ARHGAP15: variants seen among roughly 807,000 people sequenced by gnomAD.
The protein encoded by ARHGAP15 is Rho GTPase activating protein 15.
ARHGAP15 carries 51 observed loss-of-function variants against 63.7 expected under a neutral mutation model. The ratio of observed to expected loss-of-function variants is 0.80; its 90% CI spans 0.64 to 1.01. ARHGAP15 has a LOEUF of 1.01. ARHGAP15 is among the 50% of genes least tolerant of loss of function. The pLI, the probability that ARHGAP15 is intolerant of heterozygous loss-of-function variation, is 0.00. For synonymous variants in ARHGAP15, 191 were observed against 193.8 expected, an observed-to-expected ratio of 0.99 and a Z score of 0.12; for missense variants, 560 against 564.6, an observed-to-expected ratio of 0.99 and a Z score of 0.08.
chr2:143,768,282 C>T lies in ARHGAP15; in HGVS notation c.*110C>T. 9.8e-7 allele frequency: 1 copy of T among 1,019,232 alleles called. No homozygotes were observed. Among genetic ancestry groups the T allele is most frequent in the South Asian group, 1.7e-5 (1 of 57,666 alleles). The allele number at this position is 1,019,232 out of a possible 1,614,324, so 63.1% of individuals were successfully genotyped here. ...TTTTTGCCTTTCAAGCGACAGATGC[C>T]TCATTTTGTGAAAACTTAATGATGA... On this transcript the variant is annotated 3_prime_UTR_variant, in exon 14 of 14. Coordinates refer to ENST00000295095, the MANE Select transcript of ARHGAP15 (RefSeq NM_018460.4).
chr2:143,603,691 AC>A (rs1390354979), intron 11 of ARHGAP15, among the ~76,000 whole-genome samples: 1 of 152,186 alleles, frequency 6.6e-6, no homozygotes, highest in Non-Finnish European at 1.5e-5. Context: ...TAGTCTTCTT[AC>A]AGATTTAGTT....
At chr2:143,637,384 C>T (rs959949513) in intron 12 of ARHGAP15, among the ~76,000 whole-genome samples, 1 of 151,980 alleles carries the variant, frequency 6.6e-6, no homozygotes, top group Non-Finnish European at 1.5e-5. Flanking sequence ...TTTTCTCTCT[C>T]AGATAAGTTT....
At chr2:143,303,568 T>C (rs980508010) in intron 6 of ARHGAP15, among the ~76,000 whole-genome samples, 1 of 152,094 alleles carries the variant, frequency 6.6e-6, no homozygotes, top group Admixed American at 6.6e-5. Context: ...AAGGACTTCA[T>C]GTCTAAAACA....
At chr2:143,284,252 G>A (rs996293663) in intron 6 of ARHGAP15, among the ~76,000 whole-genome samples, 1 of 152,152 alleles carries the variant, frequency 6.6e-6, no homozygotes, top group Non-Finnish European at 1.5e-5. Context: ...TATGGACTTG[G>A]GGCCTTGGCC....
chr2:143,250,529 G>GA lies in ARHGAP15; in HGVS notation c.406dup (p.Ser136LysfsTer10). Reference sequence around the variant, plus strand: ...ATTACAGAAAACTGGGCACAAACCAGAAAGTGTGGATTTGTGTGGAGCACA... The same window carrying GA: ...ATTACAGAAAACTGGGCACAAACCAGAAAAGTGTGGATTTGTGTGGAGCACA... On this transcript the variant is annotated frameshift_variant, in exon 6 of 14. Transcript: ENST00000295095. LOFTEE classifies it high-confidence loss of function. The GA allele has an allele frequency of 6.2e-7, 1 of 1,613,384 alleles. No individual in the cohort carries two copies. The highest frequency in any genetic ancestry group is 8.5e-7 in the Non-Finnish European group (1 of 1,179,482).
At chr2:143,452,657 ATT>A (rs377089210) in intron 8 of ARHGAP15, among the ~76,000 whole-genome samples, 360 of 136,964 alleles carry the variant, frequency 2.6e-3, no homozygotes, top group Admixed American at 3.2e-3. Context: ...GCCCCTTTGG[ATT>A]TTTTTTTTTT....
intron 9 of ARHGAP15, among the ~76,000 whole-genome samples, chr2:143,510,259 G>A (rs1693522019): frequency 6.6e-6 from 1 of 152,060 alleles, no homozygotes; most frequent in African/African-American, 2.4e-5. Context: ...CCATATGTGT[G>A]GCATTGCTGT....
At chr2:143,348,000 A>G (rs990323354) in intron 6 of ARHGAP15, among the ~76,000 whole-genome samples, 8 of 152,190 alleles carry the variant, frequency 5.3e-5, no homozygotes, top group Non-Finnish European at 1.0e-4. Flanking sequence ...AGTGATGATC[A>G]TGGACACTCA....
At chr2:143,287,933 A>G (rs987484216) in intron 6 of ARHGAP15, among the ~76,000 whole-genome samples, 2 of 152,242 alleles carry the variant, frequency 1.3e-5, no homozygotes, top group South Asian at 2.1e-4. Flanking sequence ...TGAATGTTCC[A>G]TTCAGACTGA....
chr2:143,621,312 TA>T (rs1207786948), intron 11 of ARHGAP15, among the ~76,000 whole-genome samples: 1 of 152,138 alleles, frequency 6.6e-6, no homozygotes, highest in East Asian at 1.9e-4. Context: ...AGAATCTAGT[TA>T]GAAAATGCTT....
intron 13 of ARHGAP15, among the ~76,000 whole-genome samples, chr2:143,750,109 C>T (rs1230486553): frequency 6.6e-6 from 1 of 152,200 alleles, no homozygotes; most frequent in African/African-American, 2.4e-5. Context: ...GTTTATAAAA[C>T]AATTGACAGA....
intron 2 of ARHGAP15, 139 bp from the exon 3 acceptor site, chr2:143,201,995 T>C (rs2105113216): frequency 1.4e-6 from 1 of 715,902 alleles, no homozygotes; most frequent in Non-Finnish European, 2.5e-6. Context: ...TTAGTCAATG[T>C]CCAAAACATT....
chr2:143,544,894 T>G (rs1695261116), intron 10 of ARHGAP15, among the ~76,000 whole-genome samples: 1 of 152,182 alleles, frequency 6.6e-6, no homozygotes, highest in South Asian at 2.1e-4. Flanking sequence ...TCTCCTGTAC[T>G]CTCAAAAAGA....
At chr2:143,251,945 G>T (rs149987920) in intron 6 of ARHGAP15, among the ~76,000 whole-genome samples, 1 of 152,130 alleles carries the variant, frequency 6.6e-6, no homozygotes, top group Non-Finnish European at 1.5e-5. Flanking sequence ...ACAGTTTAGA[G>T]GTTATAATTC....
intron 6 of ARHGAP15, among the ~76,000 whole-genome samples, chr2:143,391,145 A>G (rs1687522409): frequency 6.6e-6 from 1 of 152,202 alleles, no homozygotes; most frequent in South Asian, 2.1e-4. Flanking sequence ...CTCTGAATCA[A>G]TACCCTGCAC....
chr2:143,300,667 A>AC (rs1216754148), intron 6 of ARHGAP15, among the ~76,000 whole-genome samples: 2 of 152,032 alleles, frequency 1.3e-5, no homozygotes, highest in Non-Finnish European at 1.5e-5. Flanking sequence ...CAAAGAGAGA[A>AC]CATAGACAAG....
At chr2:143,362,890 T>C (rs1686124687) in intron 6 of ARHGAP15, among the ~76,000 whole-genome samples, 1 of 152,208 alleles carries the variant, frequency 6.6e-6, no homozygotes, top group Non-Finnish European at 1.5e-5. Flanking sequence ...ATGTCACCAT[T>C]ATCATTCTCT....
intron 11 of ARHGAP15, among the ~76,000 whole-genome samples, chr2:143,580,844 T>A (rs147177701): frequency 6.6e-6 from 1 of 152,106 alleles, no homozygotes; most frequent in Non-Finnish European, 1.5e-5. Flanking sequence ...AGGATCATAT[T>A]TGACTTTTAT....
intron 6 of ARHGAP15, among the ~76,000 whole-genome samples, chr2:143,256,001 T>C (rs141830143): frequency 1.1e-3 from 168 of 152,246 alleles, no homozygotes; most frequent in African/African-American, 3.9e-3. Flanking sequence ...TCTGGGGATG[T>C]GTGTTCCAAT....
Sources: allele counts gnomAD v4.1 joint callset (sites outside exome capture counted in the v4.1 genomes callset), GRCh38; gene constraint gnomAD v4.1.1; transcripts MANE v1.5; gene names NCBI Gene and HGNC (gene_info 2026-07-23, HGNC 2026-07-21).